The following LRP1 variants were observed in gnomAD, a reference collection of about 807,000 sequenced individuals.
The protein encoded by LRP1 is LDL receptor related protein 1, also known as prolow-density lipoprotein receptor-related protein 1.
In LRP1, 51 loss-of-function variants were observed where a neutral mutation model predicts 541.5. That is an observed-to-expected ratio of 0.09 (90% CI 0.08 to 0.12). LRP1 has a LOEUF of 0.12. Among genes scored for constraint, LRP1 ranks in the 10% least tolerant of loss-of-function variants. LRP1 has a pLI of 1.00. For missense variants in LRP1, 3,878 were observed against 6,376.2 expected (o/e 0.61, Z 13.34); for synonymous variants, 2,219 against 2,470.8 (o/e 0.90, Z 3.02).
intron 8 of LRP1, 135 bp from the exon 9 acceptor site, chr12:57,155,959 T>G (rs1442577782): frequency 2.9e-6 from 2 of 701,024 alleles, no homozygotes; most frequent in Non-Finnish European, 4.8e-6. Context: ...TCAAAATAAA[T>G]AAATAAAAAT....
In LRP1 at chr12:57,145,284, C is replaced by T. The variant is rs1469864810; in HGVS notation, c.635C>T (p.Thr212Met). ...LIANSQNILA[T>M]YLSGAQVSTI... is the part of the protein sequence containing the mutation. ...GCCAACTCCCAGAACATCTTGGCCACGTACCTGAGTGGGGCCCAGGTGTCT... is the reference window on the plus strand; with the variant it reads ...GCCAACTCCCAGAACATCTTGGCCATGTACCTGAGTGGGGCCCAGGTGTCT... Residue 212 changes from threonine (T) to methionine (M), a missense_variant, in exon 6 of 89, where the codon ACG (threonine) becomes ATG (methionine). Around this residue, in one of 13 missense-constraint regions of LRP1, gnomAD observed 293 missense variants for 403.7 expected, o/e 0.73. Transcript: ENST00000243077. 6.2e-6 allele frequency: 10 copies of T among 1,614,178 alleles called. No individual in the cohort carries two copies. Among genetic ancestry groups the T allele is most frequent in the African/African-American group, 1.3e-5 (1 of 75,052 alleles).
chr12:57,195,535 G>T, intron 52 of LRP1, 123 bp from the exon 53 acceptor site: 1 of 1,572,872 alleles, frequency 6.4e-7, no homozygotes. Context: ...TGTAGCCCAG[G>T]TGTCCAGACT....
chr12:57,203,403 C>A lies in LRP1; in HGVS notation c.10833C>A (p.Pro3611=). ...CATGCCCACAGAAAGACTGCACCCC[C>A]CGCTGTGACATGGACCAGTTCCAGT... The part of the protein sequence containing the change: ...ADGSDEKDCT[P]RCDMDQFQCK... The change falls in exon 70 of 89, where the codon CCC becomes CCA. Residue 3611 remains proline, a synonymous_variant. Transcript: ENST00000243077. 2 of 1,608,492 alleles carry A rather than the reference C, an allele frequency of 1.2e-6. No individual in the cohort carries two copies. The highest frequency in any genetic ancestry group is 1.7e-6 in the Non-Finnish European group (2 of 1,176,676).
Position 57,200,826 on chromosome 12 carries a change from G to GGGGGGGCGCC in LRP1, c.10225+11_10225+12insGGGGGGCGCC. The GGGGGGGCGCC allele has an allele frequency of 2.5e-6, 4 of 1,581,406 alleles. No individual in the cohort carries two copies. Among genetic ancestry groups the GGGGGGGCGCC allele is most frequent in the Non-Finnish European group, 3.5e-6 (4 of 1,157,648 alleles). ...ACGAGGCCAACTGTGGTAAGGCGCT[G>GGGGGGGCGCC]CCCGCCCACCCTCCCTCCTTCCCCA... On this transcript the variant is annotated intron_variant, in intron 64 of 88. Transcript: ENST00000243077.
intron 43 of LRP1, 121 bp downstream of exon 43, chr12:57,191,130 C>T (rs1235357146): frequency 2.5e-6 from 3 of 1,182,040 alleles, no homozygotes; most frequent in Non-Finnish European, 3.6e-6. Context: ...AGGTGAGTGC[C>T]TCCAGGCCCC....
chr12:57,181,531 T>C (rs933645584), intron 34 of LRP1, among the ~76,000 whole-genome samples: 1 of 152,180 alleles, frequency 6.6e-6, no homozygotes, highest in African/African-American at 2.4e-5. Context: ...CTGGGTTTTC[T>C]AGGACAAGTA....
chr12:57,199,131 A>G (rs1245673550), intron 60 of LRP1, 81 bp from the exon 61 acceptor site: 3 of 1,321,368 alleles, frequency 2.3e-6, no homozygotes, highest in African/African-American at 1.4e-5. Flanking sequence ...GGGTGGTGGT[A>G]GGGCTTGAGG....
chr12:57,204,126 C>A lies in LRP1; in HGVS notation c.10952-284C>A. ...GGAACTACACAGCCCAGTGCTGTTCCCACGTCCCCGCTGTGGAACTACACA... is the reference window on the plus strand; with the variant it reads ...GGAACTACACAGCCCAGTGCTGTTCACACGTCCCCGCTGTGGAACTACACA... On this transcript the variant is annotated intron_variant, in intron 70 of 88. Coordinates refer to ENST00000243077, the MANE Select transcript of LRP1 (RefSeq NM_002332.3). This position sits in a 1 kb window ranked among gnomAD's most constrained non-coding sequence, Gnocchi z 5.3. The A allele has an allele frequency of 3.0e-6, 1 of 333,842 alleles. No homozygotes were observed. The highest frequency in any genetic ancestry group is 5.5e-6 in the Non-Finnish European group (1 of 183,006). The allele number at this position is 333,842 out of a possible 1,614,324, so 20.7% of individuals were successfully genotyped here.
chr12:57,194,833 G>A, intron 50 of LRP1, 134 bp downstream of exon 50: 1 of 1,277,886 alleles, frequency 7.8e-7, no homozygotes, highest in Non-Finnish European at 1.1e-6. Context: ...CAACTCTTGA[G>A]GTCAGACTCA....
chr12:57,199,431 C>G (rs781571276), intron 61 of LRP1, 31 bp downstream of exon 61: 1 of 1,594,874 alleles, frequency 6.3e-7, no homozygotes, highest in Non-Finnish European at 8.5e-7. Context: ...AGCAGGCGAA[C>G]GGTGAGCCAG....
In LRP1 at chr12:57,201,075, A is replaced by G; in HGVS notation, c.10267A>G (p.Thr3423Ala). 1.2e-6 allele frequency: 2 copies of G among 1,613,804 alleles called. No individual in the cohort carries two copies. The highest frequency in any genetic ancestry group is 1.7e-6 in the Non-Finnish European group (2 of 1,179,926). ...CLPSQFKCTNTNRCIPGIFRC... is the reference protein window; with the variant it reads ...CLPSQFKCTNANRCIPGIFRC... ...GCCCAGTCAGTTCAAATGCACCAACACCAACCGCTGTATTCCCGGCATCTT... is the reference window on the plus strand; with the variant it reads ...GCCCAGTCAGTTCAAATGCACCAACGCCAACCGCTGTATTCCCGGCATCTT... The change falls in exon 65 of 89, where the codon ACC becomes GCC. Residue 3423 changes from threonine (T) to alanine (A), a missense_variant. By Grantham distance (58) the Thr-to-Ala change is moderately conservative. Around this residue, in one of 13 missense-constraint regions of LRP1, gnomAD observed 278 missense variants for 536.3 expected, o/e 0.52. Coordinates refer to ENST00000243077, the MANE Select transcript of LRP1 (RefSeq NM_002332.3). This position sits in a 1 kb window ranked among gnomAD's most constrained non-coding sequence, Gnocchi z 6.4.
rs531686627 is a variant in LRP1 at position 57,149,425 on chromosome 12, C to G, written c.841+3935C>G. On this transcript the variant is annotated intron_variant, in intron 6 of 88. Coordinates refer to ENST00000243077, the MANE Select transcript of LRP1 (RefSeq NM_002332.3). Reference sequence around the variant, plus strand: ...GATCCAGCCCTGTCCTCTCCTCCCCCGCTGTCTCCTTGAAATTGCCTCTCC... The same window carrying G: ...GATCCAGCCCTGTCCTCTCCTCCCCGGCTGTCTCCTTGAAATTGCCTCTCC... 54 of 581,100 alleles carry G rather than the reference C, an allele frequency of 9.3e-5. 1 individual carries two copies. The highest frequency in any genetic ancestry group is 5.4e-4 in the African/African-American group (29 of 53,456). The allele number at this position is 581,100 out of a possible 1,614,324, so 36.0% of individuals were successfully genotyped here.
At chr12:57,180,194 A>T (rs962798617) in intron 31 of LRP1, 53 bp downstream of exon 31, 28 of 1,584,344 alleles carry the variant, frequency 1.8e-5, no homozygotes, top group Admixed American at 5.0e-5. Context: ...CTTGACCAGC[A>T]GGTGCTTGCA....
chr12:57,156,931 G>C lies in LRP1; in HGVS notation c.1561+11G>C. On this transcript the variant is annotated intron_variant, in intron 10 of 88. Coordinates refer to ENST00000243077, the MANE Select transcript of LRP1 (RefSeq NM_002332.3). The surrounding 1 kb of genome is among the most constrained non-coding windows in gnomAD (Gnocchi z 5.2). ...GGAAGTCATGCAAGAGTGAGTGACA[G>C]GGAAGGGGGTGTGTGCCCATTGGGA... 1 of 1,561,582 alleles carries C rather than the reference G, an allele frequency of 6.4e-7. No individual in the cohort carries two copies. The highest frequency in any genetic ancestry group is 8.7e-7 in the Non-Finnish European group (1 of 1,151,184).
intron 1 of LRP1, among the ~76,000 whole-genome samples, chr12:57,137,860 G>T (rs2035206066): frequency 6.6e-6 from 1 of 151,356 alleles, no homozygotes; most frequent in African/African-American, 2.4e-5. Flanking sequence ...TTCCTGCCCA[G>T]CCTTGCCCTC....
intron 78 of LRP1, 80 bp from the exon 79 acceptor site, chr12:57,209,003 C>A: frequency 8.0e-7 from 1 of 1,245,918 alleles, no homozygotes; most frequent in Non-Finnish European, 1.2e-6. Flanking sequence ...GTGGAGCTGT[C>A]CCGGGCATGG....
Position 57,201,059 on chromosome 12 carries a change from G to T in LRP1, c.10251G>T (p.Gln3417His). The T allele has an allele frequency of 6.2e-7, 1 of 1,614,104 alleles. No homozygotes were observed. Among genetic ancestry groups the T allele is most frequent in the Middle Eastern group, 1.6e-4 (1 of 6,062 alleles). ...NCDIHVCLPS[Q>H]FKCTNTNRCI... ...ACATCCACGTCTGCTTGCCCAGTCAGTTCAAATGCACCAACACCAACCGCT... is the reference window on the plus strand; with the variant it reads ...ACATCCACGTCTGCTTGCCCAGTCATTTCAAATGCACCAACACCAACCGCT... The change falls in exon 65 of 89, where the codon CAG becomes CAT. Residue 3417 changes from glutamine (Q) to histidine (H), a missense_variant. By Grantham distance (24) the Gln-to-His change is conservative. Around this residue, in one of 13 missense-constraint regions of LRP1, gnomAD observed 278 missense variants for 536.3 expected, o/e 0.52. Transcript: ENST00000243077. This position sits in a 1 kb window ranked among gnomAD's most constrained non-coding sequence, Gnocchi z 6.4.
chr12:57,150,764 C>T (rs924461068), intron 6 of LRP1, among the ~76,000 whole-genome samples: 15 of 152,192 alleles, frequency 9.9e-5, no homozygotes, highest in Admixed American at 8.5e-4. Flanking sequence ...AGTGTACCAT[C>T]CAGTTTTACA....
At position 57,134,867 on chromosome 12, in the gene LRP1, A is replaced by G. The variant is rs566531524; in HGVS notation, c.68-3592A>G. On this transcript the variant is annotated intron_variant, in intron 1 of 88. Transcript: ENST00000243077. ...ACTACAGGCGCCTGCCACCACGCCCAGCTAATTTTTCATATTTTTAGTAGA... is the reference window on the plus strand; with the variant it reads ...ACTACAGGCGCCTGCCACCACGCCCGGCTAATTTTTCATATTTTTAGTAGA... Among the ~76,000 whole-genome samples, 573 of 152,080 alleles carry G rather than the reference A, an allele frequency of 3.8e-3. 2 individuals are homozygous for G. Among genetic ancestry groups the G allele is most frequent in the Non-Finnish European group, 4.0e-3 (272 of 67,972 alleles).
Sources: gnomAD v4.1 joint callset for allele counts (sites outside exome capture counted in the v4.1 genomes callset) on GRCh38, gnomAD v4.1.1 for gene constraint, gnomAD v4.1.1 regional missense constraint, Gnocchi (gnomAD v3.1) non-coding constraint, MANE v1.5 for transcripts, NCBI Gene and HGNC (gene_info 2026-07-23, HGNC 2026-07-21) for gene names.